FLNC: variants seen among roughly 807,000 people sequenced by gnomAD.
FLNC encodes filamin-C.
A neutral mutation model predicts 254.3 loss-of-function variants in FLNC; 91 were observed. The ratio of observed to expected loss-of-function variants is 0.36; its 90% CI spans 0.30 to 0.43. The LOEUF (loss-of-function observed/expected upper bound fraction) is 0.43, where lower values mean the gene tolerates loss of function less well. FLNC is among the 20% of genes least tolerant of loss of function. FLNC has a pLI of 1.00. For synonymous variants in FLNC, 1,430 were observed against 1,577.2 expected (o/e 0.91, Z 2.21); for missense variants, 2,853 against 3,802.6 (o/e 0.75, Z 6.57).
chr7:128,851,148 G>C, intron 33 of FLNC, 84 bp from the exon 34 acceptor site: 1 of 1,602,656 alleles, frequency 6.2e-7, no homozygotes, highest in Non-Finnish European at 8.5e-7. Context: ...GGTTGGCAGG[G>C]AGGCTGCTGG....
rs1808558386 is a variant in FLNC, at chr7:128,846,175, TGGGCCAGGCTAGTGGGCA to T, written c.3964+17_3964+34del. 1.3e-6 allele frequency: 2 copies of T among 1,562,592 alleles called. No individual in the cohort carries two copies. ...CGCCTACGAGGAGGGTGAGGGCCGGTGGGCCAGGCTAGTGGGCAGGGCTGGGCAAGTGGGCAGGGCCGG... is the reference window on the plus strand; with the variant it reads ...CGCCTACGAGGAGGGTGAGGGCCGGTGGGCTGGGCAAGTGGGCAGGGCCGG... On this transcript the variant is annotated intron_variant, in intron 22 of 47. Transcript: ENST00000325888.
chr7:128,831,771 T>TTG (rs1554396591), intron 1 of FLNC, among the ~76,000 whole-genome samples: 1 of 151,604 alleles, frequency 6.6e-6, no homozygotes, highest in Non-Finnish European at 1.5e-5. Flanking sequence ...GAGGAAGTCT[T>TTG]TGAGTGTAAC....
Position 128,848,877 on chromosome 7 carries a change from G to C in FLNC, c.4822G>C (p.Gly1608Arg), listed in dbSNP as rs1420476910. 1.2e-6 allele frequency: 2 copies of C among 1,614,086 alleles called. No homozygotes were observed. The highest frequency in any genetic ancestry group is 2.2e-5 in the South Asian group (2 of 91,090). Reference sequence around the variant, plus strand: ...TGTGTCCTACCTGCCGGACATGAGTGGCCGGTACACCATCACCATCAAGTA... The same window carrying C: ...TGTGTCCTACCTGCCGGACATGAGTCGCCGGTACACCATCACCATCAAGTA... The part of the protein sequence containing the change: ...YTVSYLPDMS[G>R]RYTITIKYGG... The change falls in exon 28 of 48, where the codon GGC becomes CGC. Residue 1608 changes from glycine (G) to arginine (R), a missense_variant. Around this residue, in one of 10 missense-constraint regions of FLNC, gnomAD observed 1,573 missense variants for 1,883.5 expected, o/e 0.84. Transcript: ENST00000325888.
At chr7:128,832,325 G>C (rs1585148918) in intron 1 of FLNC, among the ~76,000 whole-genome samples, 1 of 152,208 alleles carries the variant, frequency 6.6e-6, no homozygotes, top group Admixed American at 6.5e-5. Context: ...CAGGGGGTGG[G>C]GGAGGGAGCC....
At position 128,845,078 on chromosome 7, in the gene FLNC, C is replaced by T; in HGVS notation, c.3613C>T (p.His1205Tyr). 2 of 1,613,914 alleles carry T rather than the reference C, an allele frequency of 1.2e-6. No homozygotes were observed. Among genetic ancestry groups the T allele is most frequent in the Non-Finnish European group, 1.7e-6 (2 of 1,180,040 alleles). Residue 1205 changes from histidine (H) to tyrosine (Y), a missense_variant, in exon 21 of 48, where the codon CAC becomes TAC. His to Tyr is a moderately conservative substitution (Grantham distance 83, BLOSUM62 2). Transcript: ENST00000325888. ...DAGVKAEVLIHNNADGTYHIT... is the reference protein window; with the variant it reads ...DAGVKAEVLIYNNADGTYHIT... ...CGGGGTCAAGGCCGAGGTGCTGATC[C>T]ACAACAACGCGGATGGCACCTACCA... is the stretch of plus-strand genomic sequence containing the variant.
At position 128,834,042 on chromosome 7, in the gene FLNC, A is replaced by G. The variant is rs562995545; in HGVS notation, c.353-1284A>G. Among the ~76,000 whole-genome samples the G allele has an allele frequency of 7.2e-5, 11 of 152,162 alleles. No individual in the cohort carries two copies. In the South Asian group the frequency reaches 2.3e-3, roughly 32 times the overall value. On this transcript the variant is annotated intron_variant, in intron 1 of 47. Transcript: ENST00000325888. ...TTTCCCAGGCTCTCGGTCTCCTAAC[A>G]CTTTCCCCAAGACCTGGGGAAGGGT...
In FLNC at chr7:128,830,608, G is replaced by A. The variant is rs755817874; in HGVS notation, c.-30G>A. 3 of 1,605,648 alleles carry A rather than the reference G, an allele frequency of 1.9e-6. No homozygotes were observed. The highest frequency in any genetic ancestry group is 2.6e-6 in the Non-Finnish European group (3 of 1,175,552). ...CCCGATAGCCCAAACCGCGGCCCTA[G>A]CCCCGGCCGCACCCCCAGCCCGCGC... On this transcript the variant is annotated 5_prime_UTR_variant, in exon 1 of 48. Coordinates refer to ENST00000325888, the MANE Select transcript of FLNC (RefSeq NM_001458.5).
chr7:128,851,470 C>T lies in FLNC; in HGVS notation c.5684C>T (p.Ala1895Val), dbSNP rs1376107307. Residue 1895 changes from alanine (A) to valine (V), a missense_variant, in exon 35 of 48, where the codon GCC becomes GTC. Coordinates refer to ENST00000325888, the MANE Select transcript of FLNC (RefSeq NM_001458.5). Reference protein sequence around the residue: ...KDAGEGGLSLAVEGPSKAEIT... With the variant: ...KDAGEGGLSLVVEGPSKAEIT... Reference sequence around the variant, plus strand: ...CCACCTACAGGGGGTCTGTCACTGGCCGTGGAGGGCCCATCCAAGGCAGAG... The same window carrying T: ...CCACCTACAGGGGGTCTGTCACTGGTCGTGGAGGGCCCATCCAAGGCAGAG... 1.2e-6 allele frequency: 2 copies of T among 1,613,860 alleles called. No individual in the cohort carries two copies. The highest frequency in any genetic ancestry group is 1.7e-6 in the Non-Finnish European group (2 of 1,180,038).
At position 128,841,021 on chromosome 7, in the gene FLNC, G is replaced by T. The variant is rs1808310055; in HGVS notation, c.1813+51G>T. 1.3e-6 allele frequency: 2 copies of T among 1,568,004 alleles called. No homozygotes were observed. Among genetic ancestry groups the T allele is most frequent in the African/African-American group, 2.7e-5 (2 of 73,858 alleles). On this transcript the variant is annotated intron_variant, in intron 11 of 47. Coordinates refer to ENST00000325888, the MANE Select transcript of FLNC (RefSeq NM_001458.5). This position sits in a 1 kb window ranked among gnomAD's most constrained non-coding sequence, Gnocchi z 4.3. Reference sequence around the variant, plus strand: ...GGAGTGCTGCGGGGGAGGGCAGCAGGGGACACTGTGGGTAATGGGTGCAGT... The same window carrying T: ...GGAGTGCTGCGGGGGAGGGCAGCAGTGGACACTGTGGGTAATGGGTGCAGT...
chr7:128,835,582 G>A lies in FLNC; in HGVS notation c.601+8G>A. 1 of 1,612,812 alleles carries A rather than the reference G, an allele frequency of 6.2e-7. No individual in the cohort carries two copies. On this transcript the variant is annotated splice_region_variant and intron_variant, in intron 2 of 47. Coordinates refer to ENST00000325888, the MANE Select transcript of FLNC (RefSeq NM_001458.5). This position sits in a 1 kb window ranked among gnomAD's most constrained non-coding sequence, Gnocchi z 5.3. ...TGGACAACTGCGCCCCCGGTGAGTG[G>A]GCCAGTGAGCACAGCATGGAGCCCT...
In FLNC at chr7:128,846,312, G is replaced by C; in HGVS notation, c.3976G>C (p.Val1326Leu). Reference protein sequence around the residue: ...YTAYEEGVHLVEVLYDEVAVP... With the variant: ...YTAYEEGVHLLEVLYDEVAVP... ...TGGCTGGCTTCCAGGCGTGCATCTGGTGGAGGTCCTGTATGATGAGGTCGC... is the reference window on the plus strand; with the variant it reads ...TGGCTGGCTTCCAGGCGTGCATCTGCTGGAGGTCCTGTATGATGAGGTCGC... Residue 1326 changes from valine (V) to leucine (L), a missense_variant, in exon 23 of 48, where the codon GTG becomes CTG. Around this residue, in one of 10 missense-constraint regions of FLNC, gnomAD observed 1,573 missense variants for 1,883.5 expected, o/e 0.84. Transcript: ENST00000325888. The C allele has an allele frequency of 1.2e-6, 2 of 1,613,880 alleles. No individual in the cohort carries two copies. Among genetic ancestry groups the C allele is most frequent in the Non-Finnish European group, 1.7e-6 (2 of 1,179,982 alleles).
rs2128938778 is a variant in FLNC at position 128,852,643 on chromosome 7, G to C, written c.5895G>C (p.Val1965=). 1 of 1,613,314 alleles carries C rather than the reference G, an allele frequency of 6.2e-7. No individual in the cohort carries two copies. Among genetic ancestry groups the C allele is most frequent in the Non-Finnish European group, 8.5e-7 (1 of 1,180,020 alleles). Residue 1965 remains valine, a synonymous_variant, in exon 36 of 48, where the codon GTG becomes GTC. Coordinates refer to ENST00000325888, the MANE Select transcript of FLNC (RefSeq NM_001458.5). ...SQLNVGTSTD[V]SLKITESDLS... The stretch of plus-strand genomic sequence containing the variant: ...TGAATGTGGGCACCTCCACGGACGT[G>C]TCACTGAAGATCACCGAGAGTGATC...
At chr7:128,832,513 T>C (rs1807933641) in intron 1 of FLNC, among the ~76,000 whole-genome samples, 1 of 152,060 alleles carries the variant, frequency 6.6e-6, no homozygotes, top group African/African-American at 2.4e-5. Flanking sequence ...CGCTCAGCCT[T>C]CCCCTCCCCT....
At chr7:128,852,533 T>C in intron 35 of FLNC, 58 bp from the exon 36 acceptor site, 1 of 1,603,846 alleles carries the variant, frequency 6.2e-7, no homozygotes, top group Non-Finnish European at 8.5e-7. Flanking sequence ...TCCTGAGCCC[T>C]GTGAGGGCAG....
chr7:128,844,256 A>C lies in FLNC; in HGVS notation c.3182A>C (p.Asp1061Ala). 6.2e-7 allele frequency: 1 copy of C among 1,607,932 alleles called. No homozygotes were observed. Among genetic ancestry groups the C allele is most frequent in the South Asian group, 1.1e-5 (1 of 90,534 alleles). The change falls in exon 20 of 48, where the codon GAT (aspartate) becomes GCT (alanine). Residue 1061 changes from aspartate to alanine, a missense_variant. Physicochemically the swap from Asp to Ala is moderately radical, Grantham distance 126. Around this residue, in one of 10 missense-constraint regions of FLNC, gnomAD observed 1,573 missense variants for 1,883.5 expected, o/e 0.84. Transcript: ENST00000325888. ...PFAVEGVLPP[D>A]PSKVCAYGPG... Reference sequence around the variant, plus strand: ...GCTGTGGAGGGTGTCCTGCCCCCTGATCCCTCCAAGGTGAGGAGATAGGAG... The same window carrying C: ...GCTGTGGAGGGTGTCCTGCCCCCTGCTCCCTCCAAGGTGAGGAGATAGGAG...
chr7:128,843,958 AG>A, intron 19 of FLNC, 45 bp downstream of exon 19: 1 of 1,614,072 alleles, frequency 6.2e-7, no homozygotes, highest in Non-Finnish European at 8.5e-7. Flanking sequence ...GTATTCGGGT[AG>A]GGTGGACCGG....
rs1195520116 is a variant in FLNC at position 128,843,904 on chromosome 7, C to T, written c.2920C>T (p.Leu974Phe). ...CCTCAGCAAAATCAAAGTTCAGGGC[C>T]TTAATAGCAGTAAGTGGGGCAAGAG... Reference protein sequence around the residue: ...LDLSKIKVQGLNSKVAVGQEQ... With the variant: ...LDLSKIKVQGFNSKVAVGQEQ... Residue 974 changes from leucine to phenylalanine, a missense_variant, in exon 19 of 48, where the codon CTT becomes TTT. Coordinates refer to ENST00000325888, the MANE Select transcript of FLNC (RefSeq NM_001458.5). 1.9e-6 allele frequency: 3 copies of T among 1,614,116 alleles called. No individual in the cohort carries two copies. The highest frequency in any genetic ancestry group is 2.2e-5 in the South Asian group (2 of 91,086).
Position 128,858,100 on chromosome 7 carries a change from T to C in FLNC, c.7873T>C (p.Tyr2625His). 1.2e-6 allele frequency: 2 copies of C among 1,613,610 alleles called. No individual in the cohort carries two copies. The highest frequency in any genetic ancestry group is 1.7e-6 in the Non-Finnish European group (2 of 1,179,800). Reference sequence around the variant, plus strand: ...GTCCTCCTCAAGCCGGGGCTCCAGCTACAGCTCCATCCCCAAGTTCTCCTC... The same window carrying C: ...GTCCTCCTCAAGCCGGGGCTCCAGCCACAGCTCCATCCCCAAGTTCTCCTC... ...TKSSSSRGSSYSSIPKFSSDA... is the reference protein window; with the variant it reads ...TKSSSSRGSSHSSIPKFSSDA... The change falls in exon 47 of 48, where the codon TAC becomes CAC. Residue 2625 changes from tyrosine to histidine, a missense_variant. Transcript: ENST00000325888. This position sits in a 1 kb window ranked among gnomAD's most constrained non-coding sequence, Gnocchi z 6.7.
chr7:128,842,255 A>G lies in FLNC; in HGVS notation c.2146A>G (p.Ile716Val), dbSNP rs1808363671. Residue 716 changes from isoleucine (I) to valine (V), a missense_variant, in exon 14 of 48, where the codon ATC becomes GTC. By Grantham distance (29) the Ile-to-Val change is conservative (BLOSUM62 3). Coordinates refer to ENST00000325888, the MANE Select transcript of FLNC (RefSeq NM_001458.5). The surrounding 1 kb of genome is among the most constrained non-coding windows in gnomAD (Gnocchi z 5.4). Reference sequence around the variant, plus strand: ...GGACGCCGACGGCTGTCCCATCGACATCAAGGTGATCCCCAACGGCGACGG... The same window carrying G: ...GGACGCCGACGGCTGTCCCATCGACGTCAAGGTGATCCCCAACGGCGACGG... Reference protein sequence around the residue: ...AQDADGCPIDIKVIPNGDGTF... With the variant: ...AQDADGCPIDVKVIPNGDGTF... 2 of 1,613,758 alleles carry G rather than the reference A, an allele frequency of 1.2e-6. No individual in the cohort carries two copies. Among genetic ancestry groups the G allele is most frequent in the South Asian group, 2.2e-5 (2 of 91,084 alleles).
Sources: gnomAD v4.1 joint callset for allele counts (sites outside exome capture counted in the v4.1 genomes callset) on GRCh38, gnomAD v4.1.1 for gene constraint, gnomAD v4.1.1 regional missense constraint, Gnocchi (gnomAD v3.1) non-coding constraint, MANE v1.5 for transcripts, NCBI Gene and HGNC (gene_info 2026-07-23, HGNC 2026-07-21) for gene names.